ITGAX: variants seen among roughly 807,000 people sequenced by gnomAD.
ITGAX encodes the protein integrin subunit alpha X.
A neutral mutation model predicts 140.2 loss-of-function variants in ITGAX; 99 were observed. The ratio of observed to expected loss-of-function variants is 0.71; its 90% CI spans 0.60 to 0.83. ITGAX has a LOEUF of 0.83. Among genes scored for constraint, ITGAX ranks in the 40% least tolerant of loss-of-function variants. The pLI is 0.00. For missense variants in ITGAX, 1,444 were observed against 1,482.0 expected (o/e 0.97, Z 0.42); for synonymous variants, 631 against 600.4 (o/e 1.05, Z -0.75).
Position 31,371,690 on chromosome 16 carries a change from G to C in ITGAX, c.2066G>C (p.Arg689Pro), listed in dbSNP as rs529457963. The C allele has an allele frequency of 6.2e-7, 1 of 1,614,090 alleles. No homozygotes were observed. The highest frequency in any genetic ancestry group is 8.5e-7 in the Non-Finnish European group (1 of 1,180,036). Residue 689 changes from arginine to proline, a missense_variant, in exon 17 of 30, where the codon CGT becomes CCT. Arg to Pro is a moderately radical substitution (Grantham distance 103, BLOSUM62 -2). Coordinates refer to ENST00000268296, the MANE Select transcript of ITGAX (RefSeq NM_000887.5). The stretch of plus-strand genomic sequence containing the variant: ...CTCGACCCTGGCCGCCTGAGTCCCC[G>C]TGCCACCTTCCAGGAAACAAAGAAC... ...LALDPGRLSP[R>P]ATFQETKNRS...
rs566690980 is a variant in ITGAX, at chr16:31,381,334, T to G, written c.3387+327T>G. Among the ~76,000 whole-genome samples, 6 of 152,308 alleles carry G rather than the reference T, an allele frequency of 3.9e-5. 1 individual carries two copies. Among genetic ancestry groups the G allele is most frequent in the Non-Finnish European group, 5.9e-5 (4 of 68,014 alleles). On this transcript the variant is annotated intron_variant, in intron 29 of 29. Coordinates refer to ENST00000268296, the MANE Select transcript of ITGAX (RefSeq NM_000887.5). ...CTTTTTGTCTTTGACCATAGGCCAG[T>G]GTCTGCTCCACTCTGGGCCTTGATT... is the stretch of plus-strand genomic sequence containing the variant.
At chr16:31,370,628 C>A (rs1195658488) in intron 14 of ITGAX, among the ~76,000 whole-genome samples, 1 of 152,188 alleles carries the variant, frequency 6.6e-6, no homozygotes, top group Non-Finnish European at 1.5e-5. Flanking sequence ...AGGTCCCTTT[C>A]AGCCTTAATA....
At position 31,362,092 on chromosome 16, in the gene ITGAX, G is replaced by C. The variant is rs374293554; in HGVS notation, c.1104G>C (p.Gly368=). Residue 368 remains glycine (G), a synonymous_variant, in exon 11 of 30, where the codon GGG becomes GGC. Transcript: ENST00000268296. ...TCTCCCAGGATGGCCCCGTTCTGGG[G>C]GCTGTGGGGAGCTTCACCTGGTCTG... is the stretch of plus-strand genomic sequence containing the variant. ...AVFTPDGPVL[G]AVGSFTWSGG... 22 of 1,614,020 alleles carry C rather than the reference G, an allele frequency of 1.4e-5. No individual in the cohort carries two copies. In the African/African-American group the frequency reaches 2.8e-4, roughly 21 times the overall value.
Position 31,377,251 on chromosome 16 carries a change from C to T in ITGAX, c.2775C>T (p.Tyr925=). 6 of 1,612,970 alleles carry T rather than the reference C, an allele frequency of 3.7e-6. No individual in the cohort carries two copies. Among genetic ancestry groups the T allele is most frequent in the Non-Finnish European group, 5.1e-6 (6 of 1,179,890 alleles). ...AGCTCCCGGTGAAGTATGCTGTCTA[C>T]ACTGTGGTTAGCAGGTCAGCAGGTA... The part of the protein sequence containing the change: ...QLELPVKYAV[Y]TVVSSHEQFT... The change falls in exon 23 of 30, where the codon TAC becomes TAT. Residue 925 remains tyrosine, a synonymous_variant. Transcript: ENST00000268296.
At position 31,360,347 on chromosome 16, in the gene ITGAX, G is replaced by A; in HGVS notation, c.745G>A (p.Asp249Asn). Residue 249 changes from aspartate (D) to asparagine (N), a missense_variant, in exon 8 of 30, where the codon GAT becomes AAT. Coordinates refer to ENST00000268296, the MANE Select transcript of ITGAX (RefSeq NM_000887.5). Reference sequence around the variant, plus strand: ...CCATGCCTCATATGGGGCCCGTAGGGATGCCGCCAAAATTCTCATTGTCAT... The same window carrying A: ...CCATGCCTCATATGGGGCCCGTAGGAATGCCGCCAAAATTCTCATTGTCAT... ...LFHASYGARR[D>N]AAKILIVITD... 1 of 1,614,020 alleles carries A rather than the reference G, an allele frequency of 6.2e-7. No individual in the cohort carries two copies. Among genetic ancestry groups the A allele is most frequent in the South Asian group, 1.1e-5 (1 of 91,078 alleles).
At position 31,363,033 on chromosome 16, in the gene ITGAX, G is replaced by C; in HGVS notation, c.1458G>C (p.Gln486His). 6.8e-7 allele frequency: 1 copy of C among 1,467,678 alleles called. No homozygotes were observed. 90.9% of individuals were successfully genotyped at this position (1,467,678 alleles called of 1,614,324 possible). A position where few individuals can be genotyped will look rare whatever the true frequency, so the allele number is the denominator to read the frequency against. The change falls in exon 13 of 30, where the codon CAG (glutamine) becomes CAC (histidine). Residue 486 changes from glutamine to histidine, a missense_variant. By Grantham distance (24) the Gln-to-His change is conservative. Transcript: ENST00000268296. The part of the protein sequence containing the change: ...VLIGAPHYYE[Q>H]TRGGQVSVCP... ...TCGGGGCCCCCCATTACTACGAGCA[G>C]ACCCGAGGGGGCCAGGTGTCTGTGT...
In ITGAX at chr16:31,360,362, C is replaced by T; in HGVS notation, c.760C>T (p.Leu254Phe). The change falls in exon 8 of 30, where the codon CTC becomes TTC. Residue 254 changes from leucine (L) to phenylalanine (F), a missense_variant. Coordinates refer to ENST00000268296, the MANE Select transcript of ITGAX (RefSeq NM_000887.5). ...YGARRDAAKI[L>F]IVITDGKKEG... ...GGCCCGTAGGGATGCCGCCAAAATT[C>T]TCATTGTCATCACTGATGGGAAGAA... 6.2e-7 allele frequency: 1 copy of T among 1,614,054 alleles called. No individual in the cohort carries two copies. Among genetic ancestry groups the T allele is most frequent in the Non-Finnish European group, 8.5e-7 (1 of 1,179,976 alleles).
intron 20 of ITGAX, 46 bp from the exon 21 acceptor site, chr16:31,376,753 T>G: frequency 3.8e-6 from 6 of 1,578,470 alleles, no homozygotes; most frequent in Non-Finnish European, 5.2e-6. Flanking sequence ...TTTTTGCCAT[T>G]GCTTTCAATT....
At position 31,382,686 on chromosome 16, in the gene ITGAX, G is replaced by A. The variant is rs2081080574; in HGVS notation, c.*779G>A. ...AGGCTGAATTGGGAGTGAGATGCCT[G>A]CATGCTGGGTTCTGCACAGCTGGCC... On this transcript the variant is annotated 3_prime_UTR_variant, in exon 30 of 30. Coordinates refer to ENST00000268296, the MANE Select transcript of ITGAX (RefSeq NM_000887.5). 2 of 607,610 alleles carry A rather than the reference G, an allele frequency of 3.3e-6. No homozygotes were observed. Among genetic ancestry groups the A allele is most frequent in the Admixed American group, 4.9e-5 (2 of 40,430 alleles). The allele number at this position is 607,610 out of a possible 1,614,324, so 37.6% of individuals were successfully genotyped here.
chr16:31,372,579 C>A lies in ITGAX; in HGVS notation c.2293-18C>A, dbSNP rs748600496. On this transcript the variant is annotated intron_variant, in intron 18 of 29. Transcript: ENST00000268296. ...GGCCTGGGTCTCGGAGAAAACCCCC[C>A]GTTGCCTTCCCACGCAGCTACCCTT... 6.2e-7 allele frequency: 1 copy of A among 1,613,984 alleles called. No individual in the cohort carries two copies. The highest frequency in any genetic ancestry group is 2.2e-5 in the East Asian group (1 of 44,884).
At chr16:31,361,732 C>T in intron 9 of ITGAX, 104 bp from the exon 10 acceptor site, 2 of 1,244,456 alleles carry the variant, frequency 1.6e-6, no homozygotes, top group Non-Finnish European at 2.3e-6. Context: ...GGCACCAGCT[C>T]TCCCTGTAGC....
intron 16 of ITGAX, 21 bp from the exon 17 acceptor site, chr16:31,371,609 C>G: frequency 3.1e-6 from 5 of 1,613,672 alleles, no homozygotes; most frequent in Non-Finnish European, 4.2e-6. Flanking sequence ...GTCTCAACGC[C>G]GTCCCTGCGA....
At chr16:31,371,820 T>C (rs1218132362) in intron 17 of ITGAX, 36 bp downstream of exon 17, 3 of 1,606,018 alleles carry the variant, frequency 1.9e-6, no homozygotes, top group Non-Finnish European at 2.5e-6. Context: ...GCGGCCGCGC[T>C]GGGGCTGGCA....
intron 3 of ITGAX, 117 bp from the exon 4 acceptor site, chr16:31,356,914 A>G: frequency 2.0e-6 from 2 of 978,798 alleles, no homozygotes; most frequent in African/African-American, 1.6e-5. Context: ...TCAAGACCCG[A>G]CAGCTTCCTT....
intron 9 of ITGAX, 124 bp from the exon 10 acceptor site, chr16:31,361,712 C>A: frequency 9.4e-7 from 1 of 1,060,380 alleles, no homozygotes; most frequent in Non-Finnish European, 1.4e-6. Context: ...AGAGCCTGGT[C>A]CCTGTCACAG....
rs200451726 is a variant in ITGAX, at chr16:31,371,171, G to A, written c.1798G>A (p.Val600Met). ...GGQDLTQDGL[V>M]DLAVGARGQV... is the part of the protein sequence containing the mutation. ...TCAAGACCTCACCCAGGATGGACTG[G>A]TGGACCTGGCTGTGGGGGCCCGGGG... The change falls in exon 15 of 30, where the codon GTG becomes ATG. Residue 600 changes from valine to methionine, a missense_variant. By Grantham distance (21) the Val-to-Met change is conservative. Transcript: ENST00000268296. The A allele has an allele frequency of 4.7e-4, 762 of 1,613,050 alleles. 6 individuals are homozygous for A. Among genetic ancestry groups the A allele is most frequent in the South Asian group, 2.0e-3 (178 of 90,986 alleles).
At chr16:31,365,444 T>A (rs1482146967) in intron 14 of ITGAX, among the ~76,000 whole-genome samples, 1 of 151,948 alleles carries the variant, frequency 6.6e-6, no homozygotes, top group East Asian at 1.9e-4. Context: ...ACACACCAGC[T>A]GTGTGATCTT....
chr16:31,372,095 T>C (rs956387486), intron 17 of ITGAX, among the ~76,000 whole-genome samples: 7 of 148,890 alleles, frequency 4.7e-5, no homozygotes, highest in African/African-American at 1.7e-4. Context: ...GAGCTGCTCC[T>C]GGGAGACAGG....
intron 5 of ITGAX, chr16:31,357,568 C>T: frequency 1.8e-6 from 1 of 551,098 alleles, no homozygotes; most frequent in Non-Finnish European, 3.2e-6. Context: ...GTGACCTTAA[C>T]CTCTCCAAGC....
Sources: allele counts gnomAD v4.1 joint callset (sites outside exome capture counted in the v4.1 genomes callset), GRCh38; gene constraint gnomAD v4.1.1; transcripts MANE v1.5; gene names NCBI Gene and HGNC (gene_info 2026-07-23, HGNC 2026-07-21).